FAM83F: variants seen among roughly 807,000 people sequenced by gnomAD.
FAM83F encodes protein FAM83F.
FAM83F carries 45 observed loss-of-function variants against 42.9 expected under a neutral mutation model. The observed-to-expected ratio is 1.05, with a 90% CI of 0.83 to 1.35. The LOEUF (loss-of-function observed/expected upper bound fraction) is 1.35, where lower values mean the gene tolerates loss of function less well. FAM83F is among the 40% of genes most tolerant of loss of function. The pLI is 0.00. For missense variants in FAM83F, 617 were observed against 695.9 expected (o/e 0.89, Z 1.28); for synonymous variants, 306 against 298.3 (o/e 1.03, Z -0.27).
rs115818503 is a variant in FAM83F at position 40,021,790 on chromosome 22, C to T, written c.1280C>T (p.Ala427Val). The T allele has an allele frequency of 4.5e-4, 728 of 1,612,618 alleles. 3 individuals carry two copies. In the African/African-American group the frequency reaches 7.7e-3, roughly 17 times the overall value. ...CCCAGCCGAAACGGCATGGGAGAAG[C>T]GGCCCGGGGGGAGGCCGCCCCCGCC... ...EAPSRNGMGE[A>V]ARGEAAPARR... Residue 427 changes from alanine to valine, a missense_variant, in exon 4 of 5, where the codon GCG becomes GTG. Transcript: ENST00000333407. This position sits in a 1 kb window ranked among gnomAD's most constrained non-coding sequence, Gnocchi z 8.7.
chr22:40,027,116 C>T (rs757381073), intron 4 of FAM83F, among the ~76,000 whole-genome samples: 5 of 151,932 alleles, frequency 3.3e-5, no homozygotes, highest in Admixed American at 6.6e-5. Flanking sequence ...TGGGGAGAGA[C>T]GAGGATTAGG....
chr22:40,017,587 G>A (rs781424135), intron 1 of FAM83F, among the ~76,000 whole-genome samples: 9 of 152,238 alleles, frequency 5.9e-5, no homozygotes, highest in Admixed American at 3.9e-4. Flanking sequence ...AACCCTTTGA[G>A]ATAGGTGCAG....
chr22:40,019,162 A>C lies in FAM83F; in HGVS notation c.490-6A>C. On this transcript the variant is annotated splice_polypyrimidine_tract_variant and splice_region_variant and intron_variant, in intron 1 of 4. Coordinates refer to ENST00000333407, the MANE Select transcript of FAM83F (RefSeq NM_138435.4). The stretch of plus-strand genomic sequence containing the variant: ...GTGTGCCTCACCAGTGCCTTTCCCC[A>C]CCCAGGTCATTGCTGTGGTCATGGA... The C allele has an allele frequency of 6.2e-6, 10 of 1,613,590 alleles. No individual in the cohort carries two copies. Among genetic ancestry groups the C allele is most frequent in the Non-Finnish European group, 8.5e-6 (10 of 1,179,884 alleles).
At position 39,995,601 on chromosome 22, in the gene FAM83F, C is replaced by T; in HGVS notation, c.489+70C>T. Reference sequence around the variant, plus strand: ...AGTCCCCTGGACCGGGCCCCACCTCCCAGGCAGGGCCCGGGGCAGGCCGCC... The same window carrying T: ...AGTCCCCTGGACCGGGCCCCACCTCTCAGGCAGGGCCCGGGGCAGGCCGCC... On this transcript the variant is annotated intron_variant, in intron 1 of 4. Coordinates refer to ENST00000333407, the MANE Select transcript of FAM83F (RefSeq NM_138435.4). This position sits in a 1 kb window ranked among gnomAD's most constrained non-coding sequence, Gnocchi z 4.6. The T allele has an allele frequency of 1.4e-6, 2 of 1,453,882 alleles. No individual in the cohort carries two copies. Among genetic ancestry groups the T allele is most frequent in the Non-Finnish European group, 1.8e-6 (2 of 1,101,372 alleles). The allele number at this position is 1,453,882 out of a possible 1,614,324, so 90.1% of individuals were successfully genotyped here. A position where few individuals can be genotyped will look rare whatever the true frequency, so the allele number is the denominator to read the frequency against.
At position 40,034,721 on chromosome 22, in the gene FAM83F, G is replaced by A. The variant is rs1313059948; in HGVS notation, c.*5156G>A. 6.6e-6 allele frequency: 1 copy of A among 152,234 alleles called. No individual in the cohort carries two copies. Among genetic ancestry groups the A allele is most frequent in the Non-Finnish European group, 1.5e-5 (1 of 68,042 alleles). The allele number at this position is 152,234 out of a possible 1,614,324, so 9.4% of individuals were successfully genotyped here. ...CCATTCAGTACAGAGAATTAGCCAG[G>A]TGAATAAACAGGATGTGTCATAGAG... On this transcript the variant is annotated 3_prime_UTR_variant, in exon 5 of 5. Coordinates refer to ENST00000333407, the MANE Select transcript of FAM83F (RefSeq NM_138435.4).
At chr22:40,022,865 C>T (rs1230399586) in intron 4 of FAM83F, among the ~76,000 whole-genome samples, 1 of 152,186 alleles carries the variant, frequency 6.6e-6, no homozygotes, top group East Asian at 1.9e-4. Flanking sequence ...CCAAGGGCTT[C>T]CAGGACTCCT....
chr22:40,019,593 T>C (rs978717905), intron 2 of FAM83F, among the ~76,000 whole-genome samples: 3 of 152,226 alleles, frequency 2.0e-5, no homozygotes, highest in African/African-American at 7.2e-5. Context: ...CCTGGGGTGC[T>C]TAGCCTGCAG....
chr22:40,010,240 A>G (rs1266777183), intron 1 of FAM83F: 2 of 152,122 alleles, frequency 1.3e-5, no homozygotes, highest in South Asian at 2.1e-4. Context: ...CCGATTTTCC[A>G]TCTACACTGG....
In FAM83F at chr22:39,995,610, G is replaced by A; in HGVS notation, c.489+79G>A. 6.9e-7 allele frequency: 1 copy of A among 1,445,422 alleles called. No homozygotes were observed. Among genetic ancestry groups the A allele is most frequent in the Non-Finnish European group, 9.1e-7 (1 of 1,099,396 alleles). The allele number at this position is 1,445,422 out of a possible 1,614,324, so 89.5% of individuals were successfully genotyped here. On this transcript the variant is annotated intron_variant, in intron 1 of 4. Coordinates refer to ENST00000333407, the MANE Select transcript of FAM83F (RefSeq NM_138435.4). The surrounding 1 kb of genome is among the most constrained non-coding windows in gnomAD (Gnocchi z 4.6). ...GACCGGGCCCCACCTCCCAGGCAGG[G>A]CCCGGGGCAGGCCGCCCTGAGCACC...
At position 39,995,559 on chromosome 22, in the gene FAM83F, G is replaced by A. The variant is rs922664363; in HGVS notation, c.489+28G>A. 6 of 1,521,552 alleles carry A rather than the reference G, an allele frequency of 3.9e-6. No individual in the cohort carries two copies. Among genetic ancestry groups the A allele is most frequent in the Non-Finnish European group, 5.3e-6 (6 of 1,128,142 alleles). 94.3% of individuals were successfully genotyped at this position (1,521,552 alleles called of 1,614,324 possible). A position where few individuals can be genotyped will look rare whatever the true frequency, so the allele number is the denominator to read the frequency against. On this transcript the variant is annotated intron_variant, in intron 1 of 4. Coordinates refer to ENST00000333407, the MANE Select transcript of FAM83F (RefSeq NM_138435.4). This position sits in a 1 kb window ranked among gnomAD's most constrained non-coding sequence, Gnocchi z 4.6. ...AGGCCCCCGCCTTCGCCCCCACACC[G>A]CTGGGACCTCGGCCCCAGTCCCCTG...
At chr22:40,004,925 T>C (rs547206272) in intron 1 of FAM83F, among the ~76,000 whole-genome samples, 3 of 152,350 alleles carry the variant, frequency 2.0e-5, no homozygotes, top group Non-Finnish European at 4.4e-5. Flanking sequence ...TGGGAATTGA[T>C]GGCTGAATCA....
At chr22:40,017,870 G>T (rs923465595) in intron 1 of FAM83F, among the ~76,000 whole-genome samples, 2 of 152,236 alleles carry the variant, frequency 1.3e-5, no homozygotes, top group Admixed American at 1.3e-4. Flanking sequence ...TTAAGGTTAA[G>T]TGACTTGCCT....
intron 2 of FAM83F, 99 bp from the exon 3 acceptor site, chr22:40,019,788 A>G: frequency 1.4e-6 from 2 of 1,457,684 alleles, no homozygotes; most frequent in Non-Finnish European, 1.8e-6. Flanking sequence ...GCCTGCAGGC[A>G]GGGTCCATAC....
At chr22:40,012,035 C>G (rs1234621624) in intron 1 of FAM83F, among the ~76,000 whole-genome samples, 1 of 152,178 alleles carries the variant, frequency 6.6e-6, no homozygotes, top group Non-Finnish European at 1.5e-5. Context: ...TTGGATTATC[C>G]AACTTTCTGA....
At chr22:40,004,407 AT>A (rs2067417813) in intron 1 of FAM83F, among the ~76,000 whole-genome samples, 1 of 151,886 alleles carries the variant, frequency 6.6e-6, no homozygotes, top group Non-Finnish European at 1.5e-5. Context: ...GGTTCAAGCG[AT>A]TCTTCCGCCT....
At chr22:40,022,016 C>A in intron 4 of FAM83F, 53 bp downstream of exon 4, 2 of 1,447,410 alleles carry the variant, frequency 1.4e-6, no homozygotes, top group Non-Finnish European at 9.2e-7. Flanking sequence ...GGCCCTCGCC[C>A]CGCATCGGCT....
In FAM83F at chr22:39,995,201, G is replaced by A; in HGVS notation, c.159G>A (p.Glu53=). ...EQAYRERLKE[E]QLRDFLSSPE... is the part of the protein sequence containing the mutation. ...CCTACCGCGAGCGGCTCAAGGAGGAGCAGCTGCGGGACTTCCTCTCCAGCC... is the reference window on the plus strand; with the variant it reads ...CCTACCGCGAGCGGCTCAAGGAGGAACAGCTGCGGGACTTCCTCTCCAGCC... Residue 53 remains glutamate (E), a synonymous_variant, in exon 1 of 5, where the codon GAG becomes GAA. Transcript: ENST00000333407. This position sits in a 1 kb window ranked among gnomAD's most constrained non-coding sequence, Gnocchi z 4.6. 2 of 1,527,864 alleles carry A rather than the reference G, an allele frequency of 1.3e-6. No individual in the cohort carries two copies. The highest frequency in any genetic ancestry group is 1.7e-6 in the Non-Finnish European group (2 of 1,143,520). 94.6% of individuals were successfully genotyped at this position (1,527,864 alleles called of 1,614,324 possible).
At chr22:40,028,936 C>CGCTG (rs1231366462) in intron 4 of FAM83F, among the ~76,000 whole-genome samples, 5 of 152,192 alleles carry the variant, frequency 3.3e-5, no homozygotes, top group Admixed American at 2.6e-4. Flanking sequence ...CTGGCACTGT[C>CGCTG]GCTGGCTGGC....
intron 1 of FAM83F, among the ~76,000 whole-genome samples, chr22:40,004,210 A>G (rs1244440785): frequency 2.0e-5 from 3 of 151,986 alleles, no homozygotes; most frequent in Non-Finnish European, 4.4e-5. Flanking sequence ...GGGTGGGGAT[A>G]TTGATAGCTA....
Sources: allele counts gnomAD v4.1 joint callset (sites outside exome capture counted in the v4.1 genomes callset), GRCh38; gene constraint gnomAD v4.1.1; non-coding constraint Gnocchi (gnomAD v3.1); transcripts MANE v1.5; gene names NCBI Gene and HGNC (gene_info 2026-07-23, HGNC 2026-07-21).